Variants in CTNNA2 observed in about 807,000 individuals in gnomAD.
CTNNA2 encodes the protein catenin alpha 2.
A neutral mutation model predicts 101.0 loss-of-function variants in CTNNA2; 42 were observed. The ratio of observed to expected loss-of-function variants is 0.42; its 90% confidence interval spans 0.32 to 0.54. The LOEUF is 0.54. CTNNA2 is among the 20% of genes least tolerant of loss of function. The pLI, the probability that CTNNA2 is intolerant of heterozygous loss-of-function variation, is 0.14. For missense variants in CTNNA2, 871 were observed against 1,223.1 expected (o/e 0.71, Z 4.29); for synonymous variants, 450 against 456.4 (o/e 0.99, Z 0.18).
At chr2:79,233,450 T>C (rs1674520344) in intron 2 of CTNNA2, among the ~76,000 whole-genome samples, 1 of 152,224 alleles carries the variant, frequency 6.6e-6, no homozygotes, top group African/African-American at 2.4e-5. Context: ...TAAAATGTAT[T>C]GAGACTTGCT....
At chr2:80,517,170 G>A (rs2149565113) in intron 9 of CTNNA2, among the ~76,000 whole-genome samples, 1 of 152,332 alleles carries the variant, frequency 6.6e-6, no homozygotes, top group Middle Eastern at 3.4e-3. Context: ...AAATGGGAGA[G>A]CATAAGTGTG....
intron 7 of CTNNA2, among the ~76,000 whole-genome samples, chr2:79,983,828 C>A (rs1691565402): frequency 6.6e-6 from 1 of 152,038 alleles, no homozygotes; most frequent in African/African-American, 2.4e-5. Context: ...TATGTCATTT[C>A]TCTTTGGGTT....
At chr2:80,147,745 C>T (rs1437765546) in intron 7 of CTNNA2, among the ~76,000 whole-genome samples, 3 of 152,166 alleles carry the variant, frequency 2.0e-5, no homozygotes, top group East Asian at 1.9e-4. Flanking sequence ...ATTTATACCA[C>T]GGGGTGGACT....
At chr2:79,806,958 C>T (rs190843410) in intron 3 of CTNNA2, among the ~76,000 whole-genome samples, 5 of 152,146 alleles carry the variant, frequency 3.3e-5, no homozygotes, top group African/African-American at 1.2e-4. Context: ...TAAAACAAAA[C>T]TCCTTTCCTG....
chr2:79,834,975 T>A (rs980335795), intron 3 of CTNNA2, among the ~76,000 whole-genome samples: 2 of 152,154 alleles, frequency 1.3e-5, no homozygotes, highest in African/African-American at 4.8e-5. Context: ...CACATTTGCA[T>A]ATATGTAAGT....
At chr2:80,575,116 A>G (rs891660738) in intron 13 of CTNNA2, 4 of 152,164 alleles carry the variant, frequency 2.6e-5, no homozygotes, top group African/African-American at 7.2e-5. Context: ...AAACATATTT[A>G]TTAGCCACAT....
At chr2:80,443,317 T>G (rs753808623) in intron 9 of CTNNA2, among the ~76,000 whole-genome samples, 24 of 152,212 alleles carry the variant, frequency 1.6e-4, no homozygotes, top group Non-Finnish European at 3.2e-4. Context: ...TAGTATTAAT[T>G]CAAACTGACA....
chr2:80,036,208 T>A (rs888424985), intron 7 of CTNNA2, among the ~76,000 whole-genome samples: 1 of 152,160 alleles, frequency 6.6e-6, no homozygotes, highest in South Asian at 2.1e-4. Context: ...GAGGTGAAAT[T>A]AATGCAGACC....
At chr2:79,285,942 A>G (rs1352122877) in intron 2 of CTNNA2, among the ~76,000 whole-genome samples, 40 of 147,752 alleles carry the variant, frequency 2.7e-4, no homozygotes, top group Admixed American at 1.9e-3. Flanking sequence ...GTGCTCCTGT[A>G]TTGGGTGCAT....
At chr2:79,202,898 AGCTTT>A (rs1291842237) in intron 2 of CTNNA2, among the ~76,000 whole-genome samples, 2 of 152,212 alleles carry the variant, frequency 1.3e-5, no homozygotes, top group Admixed American at 6.5e-5. Flanking sequence ...CTTTTAACAA[AGCTTT>A]GAGGTGAAAG....
At chr2:79,897,552 T>C in intron 6 of CTNNA2, among the ~76,000 whole-genome samples, 2 of 152,316 alleles carry the variant, frequency 1.3e-5, no homozygotes, top group Admixed American at 1.3e-4. Flanking sequence ...AACACTGTTG[T>C]ATAGGTACTG....
At chr2:80,639,246 G>A (rs1673187407) in intron 18 of CTNNA2, among the ~76,000 whole-genome samples, 1 of 152,146 alleles carries the variant, frequency 6.6e-6, no homozygotes, top group South Asian at 2.1e-4. Context: ...GTCTGTTTCT[G>A]TCACCCAGGG....
intron 7 of CTNNA2, among the ~76,000 whole-genome samples, chr2:80,177,439 C>T (rs1271629467): frequency 6.6e-6 from 1 of 152,140 alleles, no homozygotes; most frequent in African/African-American, 2.4e-5. Context: ...ATATTGAGGG[C>T]TCAGTGTTGG....
chr2:80,274,252 A>G (rs961396432), intron 7 of CTNNA2, among the ~76,000 whole-genome samples: 2 of 152,202 alleles, frequency 1.3e-5, no homozygotes, highest in African/African-American at 4.8e-5. Flanking sequence ...CTGAAGACGT[A>G]TTGGGGATGC....
chr2:80,478,433 C>A (rs1391001427), intron 9 of CTNNA2, among the ~76,000 whole-genome samples: 1 of 151,910 alleles, frequency 6.6e-6, no homozygotes, highest in Non-Finnish European at 1.5e-5. Flanking sequence ...GTTACATTTT[C>A]TTTTGGGGTC....
chr2:79,797,325 C>T (rs1342010134), intron 3 of CTNNA2, among the ~76,000 whole-genome samples: 2 of 152,160 alleles, frequency 1.3e-5, no homozygotes, highest in African/African-American at 2.4e-5. Context: ...CATGATTGGT[C>T]TCATTTCCTT....
chr2:80,046,275 T>C (rs1696518071), intron 7 of CTNNA2, among the ~76,000 whole-genome samples: 1 of 152,214 alleles, frequency 6.6e-6, no homozygotes, highest in Non-Finnish European at 1.5e-5. Context: ...TGGAAAATTC[T>C]CTGGTCACCA....
intron 7 of CTNNA2, among the ~76,000 whole-genome samples, chr2:80,243,574 TTTATCTACATTGCATC>T (rs1292192695): frequency 6.6e-6 from 1 of 152,202 alleles, no homozygotes; most frequent in Non-Finnish European, 1.5e-5. Flanking sequence ...TATTTTGGGA[TTTATCTACATTGCATC>T]GTGTATCGAT....
At chr2:80,412,013 G>A (rs1275403532) in intron 8 of CTNNA2, among the ~76,000 whole-genome samples, 1 of 152,116 alleles carries the variant, frequency 6.6e-6, no homozygotes, top group African/African-American at 2.4e-5. Flanking sequence ...CCTCTCCTTT[G>A]CTTTCTTGTG....
Sources: gnomAD v4.1 joint callset for allele counts (sites outside exome capture counted in the v4.1 genomes callset) on GRCh38, gnomAD v4.1.1 for gene constraint, MANE v1.5 for transcripts, NCBI Gene and HGNC (gene_info 2026-07-23, HGNC 2026-07-21) for gene names.